USP37: variants seen among roughly 807,000 people sequenced by gnomAD.
The protein encoded by USP37 is ubiquitin carboxyl-terminal hydrolase 37.
In USP37, 27 loss-of-function variants were observed where a neutral mutation model predicts 124.0. That is an observed-to-expected ratio of 0.22 (90% CI 0.16 to 0.30). USP37 has a LOEUF of 0.30. USP37 is among the 10% of genes least tolerant of loss of function. The pLI is 1.00. For missense variants in USP37, 889 were observed against 1,140.4 expected (o/e 0.78, Z 3.17); for synonymous variants, 365 against 388.0 (o/e 0.94, Z 0.70).
chr2:218,458,052 A>C (rs1689790973), intron 23 of USP37, among the ~76,000 whole-genome samples: 1 of 150,292 alleles, frequency 6.7e-6, no homozygotes, highest in South Asian at 2.1e-4. Context: ...AAAAAAAAAA[A>C]AAGAAAAGAA....
chr2:218,467,398 G>C (rs941881228), intron 20 of USP37, among the ~76,000 whole-genome samples: 1 of 151,834 alleles, frequency 6.6e-6, no homozygotes, highest in African/African-American at 2.4e-5. Flanking sequence ...GCTCAGGCTG[G>C]AGTGCAGTGG....
In USP37 at chr2:218,462,936, G is replaced by A. The variant is rs549512543; in HGVS notation, c.2527+370C>T. Among the ~76,000 whole-genome samples the A allele has an allele frequency of 3.4e-4, 52 of 152,148 alleles. No individual in the cohort carries two copies. The South Asian group carries it at 8.3e-3, about 24-fold the overall frequency. ...AATCTCGGCACTTTGGGAGGCTGAGGAGGGTGGATCACTTGAAGCCAGGAG... is the reference window on the plus strand; with the variant it reads ...AATCTCGGCACTTTGGGAGGCTGAGAAGGGTGGATCACTTGAAGCCAGGAG... On this transcript the variant is annotated intron_variant, in intron 22 of 25. Transcript: ENST00000258399.
chr2:218,534,596 A>G lies in USP37; in HGVS notation c.778+13T>C. The G allele has an allele frequency of 1.3e-6, 2 of 1,554,720 alleles. No individual in the cohort carries two copies. Among genetic ancestry groups the G allele is most frequent in the Non-Finnish European group, 1.7e-6 (2 of 1,145,650 alleles). On this transcript the variant is annotated intron_variant, in intron 9 of 25. Transcript: ENST00000258399. ...AAATGAGCACCTTATTTATTGTAAG[A>G]TCAAACACTTACCTGATGTCCTATT...
intron 11 of USP37, among the ~76,000 whole-genome samples, 175 bp downstream of exon 11, chr2:218,509,804 G>C (rs1358583820): frequency 2.0e-5 from 3 of 152,034 alleles, no homozygotes; most frequent in Non-Finnish European, 4.4e-5. Context: ...AAATTGTTTG[G>C]TGAACAGAAA....
chr2:218,468,051 C>A (rs1412098565), intron 20 of USP37, among the ~76,000 whole-genome samples: 3 of 150,794 alleles, frequency 2.0e-5, no homozygotes, highest in Non-Finnish European at 4.4e-5. Context: ...CCACACCTGG[C>A]TAATTTTTTA....
At chr2:218,467,083 A>G (rs1690368916) in intron 20 of USP37, among the ~76,000 whole-genome samples, 1 of 152,146 alleles carries the variant, frequency 6.6e-6, no homozygotes, top group Non-Finnish European at 1.5e-5. Context: ...AACATTAATA[A>G]TCAAACAAGC....
In USP37 at chr2:218,451,752, A is replaced by T. The variant is rs1270081292; in HGVS notation, c.*3178T>A. On this transcript the variant is annotated 3_prime_UTR_variant, in exon 26 of 26. Transcript: ENST00000258399. ...AGTCTAACATTTGCTTTCTGGAGTT[A>T]ATTAACTGATCTGTAAGAACCACTG... 2 of 152,706 alleles carry T rather than the reference A, an allele frequency of 1.3e-5. No homozygotes were observed. The highest frequency in any genetic ancestry group is 3.9e-4 in the East Asian group (2 of 5,186). The allele number at this position is 152,706 out of a possible 1,614,324, so 9.5% of individuals were successfully genotyped here.
intron 5 of USP37, among the ~76,000 whole-genome samples, chr2:218,551,023 T>C (rs1692640210): frequency 6.6e-6 from 1 of 152,152 alleles, no homozygotes; most frequent in Non-Finnish European, 1.5e-5. Context: ...CCAGAGATTA[T>C]GTTAAAAGTA....
At chr2:218,497,682 C>A in intron 13 of USP37, 52 bp downstream of exon 13, 2 of 1,603,236 alleles carry the variant, frequency 1.2e-6, no homozygotes, top group South Asian at 1.1e-5. Context: ...GAATTACAGA[C>A]GTGAGCCACC....
At chr2:218,520,861 T>C (rs1335806118) in intron 10 of USP37, among the ~76,000 whole-genome samples, 1 of 152,158 alleles carries the variant, frequency 6.6e-6, no homozygotes, top group African/African-American at 2.4e-5. Context: ...CTGATATAGT[T>C]TGGATATTTG....
At chr2:218,487,977 A>G (rs1213955535) in intron 15 of USP37, among the ~76,000 whole-genome samples, 1 of 150,906 alleles carries the variant, frequency 6.6e-6, no homozygotes, top group Non-Finnish European at 1.5e-5. Context: ...TAAGGTCAGG[A>G]GTTCGAGACC....
chr2:218,546,824 CTATACTT>C, intron 7 of USP37, 88 bp downstream of exon 7: 1 of 1,394,548 alleles, frequency 7.2e-7, no homozygotes, highest in Non-Finnish European at 9.9e-7. Flanking sequence ...AAAATGTACT[CTATACTT>C]TATTTCTCCT....
chr2:218,471,453 T>C (rs1182197044), intron 20 of USP37, among the ~76,000 whole-genome samples: 6 of 152,138 alleles, frequency 3.9e-5, no homozygotes, highest in Non-Finnish European at 7.4e-5. Context: ...CTACTTAAGC[T>C]CTCTAAGTGA....
At chr2:218,504,199 A>T (rs1171186168) in intron 11 of USP37, among the ~76,000 whole-genome samples, 2 of 152,202 alleles carry the variant, frequency 1.3e-5, no homozygotes, top group Non-Finnish European at 2.9e-5. Context: ...CAAATTTCTG[A>T]CCTAAGTTCT....
In USP37 at chr2:218,450,510, G is replaced by C. The variant is rs1041497368; in HGVS notation, c.*4420C>G. ...AGTGGCTCAATTAGGCAAAGTGTAG[G>C]AATCTCATTTTTGTTTTTCTCTCCT... On this transcript the variant is annotated 3_prime_UTR_variant, in exon 26 of 26. Transcript: ENST00000258399. 105 of 152,708 alleles carry C rather than the reference G, an allele frequency of 6.9e-4. No homozygotes were observed. Among genetic ancestry groups the C allele is most frequent in the African/African-American group, 2.0e-3 (85 of 41,554 alleles). 9.5% of individuals were successfully genotyped at this position (152,708 alleles called of 1,614,324 possible). A position where few individuals can be genotyped will look rare whatever the true frequency, so the allele number is the denominator to read the frequency against.
intron 4 of USP37, among the ~76,000 whole-genome samples, chr2:218,554,511 C>T (rs145007925): frequency 2.6e-5 from 4 of 152,174 alleles, no homozygotes; most frequent in African/African-American, 7.2e-5. Flanking sequence ...CTTTGGGAGG[C>T]TGAGGCAGGC....
chr2:218,509,367 A>T (rs1282448434), intron 11 of USP37, among the ~76,000 whole-genome samples: 1 of 152,146 alleles, frequency 6.6e-6, no homozygotes, highest in African/African-American at 2.4e-5. Flanking sequence ...TATCTATCTC[A>T]AAGACTTGTT....
chr2:218,470,166 C>T (rs538961905), intron 20 of USP37, among the ~76,000 whole-genome samples: 11 of 152,246 alleles, frequency 7.2e-5, no homozygotes, highest in Non-Finnish European at 1.0e-4. Context: ...TTCTTCCCCA[C>T]GCCCTAATTG....
At chr2:218,523,562 T>A (rs1390565375) in intron 10 of USP37, among the ~76,000 whole-genome samples, 1 of 151,630 alleles carries the variant, frequency 6.6e-6, no homozygotes, top group African/African-American at 2.4e-5. Flanking sequence ...TATAAAGCTG[T>A]TTTTTGGCGG....
Sources: allele counts gnomAD v4.1 joint callset (sites outside exome capture counted in the v4.1 genomes callset), GRCh38; gene constraint gnomAD v4.1.1; transcripts MANE v1.5; gene names NCBI Gene and HGNC (gene_info 2026-07-23, HGNC 2026-07-21).